Variants in DAP observed in about 807,000 individuals in gnomAD.
The protein encoded by DAP is death-associated protein 1.
A neutral mutation model predicts 13.8 loss-of-function variants in DAP; 8 were observed. That is an observed-to-expected ratio of 0.58 (90% CI 0.34 to 1.05). The LOEUF is 1.05. Among genes scored for constraint, DAP ranks in the 50% least tolerant of loss-of-function variants. DAP has a pLI of 0.03. For synonymous variants in DAP, 47 were observed against 47.5 expected (o/e 0.99, Z 0.04); for missense variants, 106 against 133.2 (o/e 0.80, Z 1.01).
At chr5:10,686,792 T>G (rs1561006021) in intron 2 of DAP, among the ~76,000 whole-genome samples, 1 of 152,324 alleles carries the variant, frequency 6.6e-6, no homozygotes, top group East Asian at 1.9e-4. Flanking sequence ...CTCCAGAAGA[T>G]CTAGCTAAGA....
At chr5:10,696,443 G>A (rs1178109430) in intron 2 of DAP, among the ~76,000 whole-genome samples, 1 of 152,192 alleles carries the variant, frequency 6.6e-6, no homozygotes, top group African/African-American at 2.4e-5. Context: ...CAGTGTCATG[G>A]CACGTTTGAG....
intron 2 of DAP, among the ~76,000 whole-genome samples, chr5:10,742,435 G>A (rs544287096): frequency 6.6e-6 from 1 of 152,184 alleles, no homozygotes; most frequent in South Asian, 2.1e-4. Flanking sequence ...GCTGAGGCAG[G>A]AGAATCACTT....
chr5:10,751,154 C>G (rs1265619804), intron 1 of DAP, among the ~76,000 whole-genome samples: 1 of 152,152 alleles, frequency 6.6e-6, no homozygotes, highest in Non-Finnish European at 1.5e-5. Context: ...TACTCCCTGC[C>G]TCCTGTGGGC....
At chr5:10,737,165 T>A (rs1449186720) in intron 2 of DAP, among the ~76,000 whole-genome samples, 2 of 151,950 alleles carry the variant, frequency 1.3e-5, no homozygotes, top group Non-Finnish European at 2.9e-5. Flanking sequence ...GCCAACATAG[T>A]GATATCCTGT....
intron 1 of DAP, among the ~76,000 whole-genome samples, chr5:10,758,607 C>A (rs893568059): frequency 6.6e-6 from 1 of 152,180 alleles, no homozygotes; most frequent in Non-Finnish European, 1.5e-5. Context: ...TACCCTGATG[C>A]TGAAGCGGGA....
At chr5:10,708,276 T>C (rs543564234) in intron 2 of DAP, among the ~76,000 whole-genome samples, 1 of 152,216 alleles carries the variant, frequency 6.6e-6, no homozygotes, top group South Asian at 2.1e-4. Flanking sequence ...TACATTGTGA[T>C]GCAGTGGGCA....
chr5:10,711,277 C>T (rs771279493), intron 2 of DAP, among the ~76,000 whole-genome samples: 21 of 152,194 alleles, frequency 1.4e-4, no homozygotes, highest in Non-Finnish European at 2.5e-4. Context: ...TCCGCTCACC[C>T]GGGGTGGCCT....
intron 2 of DAP, among the ~76,000 whole-genome samples, chr5:10,747,362 G>T (rs1739931693): frequency 6.6e-6 from 1 of 152,232 alleles, no homozygotes; most frequent in Admixed American, 6.5e-5. Context: ...TTGAGCAGGG[G>T]AGGAGGGGTC....
intron 2 of DAP, among the ~76,000 whole-genome samples, chr5:10,709,479 T>C (rs1256720893): frequency 6.6e-6 from 1 of 152,182 alleles, no homozygotes; most frequent in African/African-American, 2.4e-5. Context: ...GGAAAGGATT[T>C]TCAATTCCAA....
chr5:10,681,288 G>T, intron 3 of DAP, 119 bp from the exon 4 acceptor site: 1 of 787,468 alleles, frequency 1.3e-6, no homozygotes, highest in South Asian at 2.0e-5. Context: ...TGTGTGTGAG[G>T]AAGCCTCAGG....
intron 2 of DAP, among the ~76,000 whole-genome samples, chr5:10,690,112 A>T (rs1168303917): frequency 1.1e-5 from 1 of 89,000 alleles, no homozygotes; most frequent in Non-Finnish European, 2.4e-5. Context: ...TTAAGACTGC[A>T]CTTTTTACAC....
intron 2 of DAP, among the ~76,000 whole-genome samples, chr5:10,722,499 C>T (rs1292205965): frequency 6.8e-6 from 1 of 146,462 alleles, no homozygotes; most frequent in African/African-American, 2.6e-5. Flanking sequence ...TATATATATA[C>T]ACATACATAT....
At chr5:10,743,166 C>T (rs1395039373) in intron 2 of DAP, among the ~76,000 whole-genome samples, 1 of 152,228 alleles carries the variant, frequency 6.6e-6, no homozygotes, top group African/African-American at 2.4e-5. Flanking sequence ...AACTGAAGTA[C>T]ACCATTTATG....
intron 2 of DAP, among the ~76,000 whole-genome samples, chr5:10,700,341 C>T (rs964037813): frequency 1.3e-5 from 2 of 152,174 alleles, no homozygotes; most frequent in Non-Finnish European, 2.9e-5. Context: ...AGGAGAACTG[C>T]CACCACCATC....
chr5:10,730,839 G>A (rs186868636), intron 2 of DAP, among the ~76,000 whole-genome samples: 2 of 112,926 alleles, frequency 1.8e-5, no homozygotes, highest in East Asian at 2.8e-4. Flanking sequence ...GAGCCCTGGT[G>A]GGGGGGAAAT....
chr5:10,758,180 G>A (rs1191688669), intron 1 of DAP, among the ~76,000 whole-genome samples: 4 of 149,916 alleles, frequency 2.7e-5, no homozygotes, highest in Non-Finnish European at 5.9e-5. Flanking sequence ...TATCCTTGAT[G>A]ATTATCCTTT....
At chr5:10,736,335 G>A (rs1287208539) in intron 2 of DAP, among the ~76,000 whole-genome samples, 1 of 152,228 alleles carries the variant, frequency 6.6e-6, no homozygotes, top group Non-Finnish European at 1.5e-5. Flanking sequence ...CAGCCTGCCT[G>A]GAAGTTCTGC....
At chr5:10,691,366 T>C (rs544202999) in intron 2 of DAP, among the ~76,000 whole-genome samples, 1 of 152,224 alleles carries the variant, frequency 6.6e-6, no homozygotes, top group Non-Finnish European at 1.5e-5. Flanking sequence ...GCAACTTAAA[T>C]TGGCAAATAA....
chr5:10,711,349 C>G (rs900664506), intron 2 of DAP, among the ~76,000 whole-genome samples: 1 of 152,218 alleles, frequency 6.6e-6, no homozygotes, highest in African/African-American at 2.4e-5. Context: ...CGATCCATGT[C>G]TGCATCCACC....
Sources: gnomAD v4.1 joint callset for allele counts (sites outside exome capture counted in the v4.1 genomes callset) on GRCh38, gnomAD v4.1.1 for gene constraint, MANE v1.5 for transcripts, NCBI Gene and HGNC (gene_info 2026-07-23, HGNC 2026-07-21) for gene names.